The following GABRB1 variants were observed in gnomAD, a reference collection of about 807,000 sequenced individuals.
The protein encoded by GABRB1 is gamma-aminobutyric acid type A receptor subunit beta1, also known as gamma-aminobutyric acid receptor subunit beta-1.
GABRB1 carries 17 observed loss-of-function variants against 51.6 expected under a neutral mutation model. That is an observed-to-expected ratio of 0.33 (90% CI 0.23 to 0.49). The LOEUF (loss-of-function observed/expected upper bound fraction) is 0.49. Among genes scored for constraint, GABRB1 ranks in the 20% least tolerant of loss-of-function variants. The pLI is 0.99. For synonymous variants in GABRB1, 247 were observed against 218.9 expected, an observed-to-expected ratio of 1.13 and a Z score of -1.14; for missense variants, 410 against 600.6, an observed-to-expected ratio of 0.68 and a Z score of 3.32.
chr4:47,058,309 G>C (rs1726704819), intron 3 of GABRB1, among the ~76,000 whole-genome samples: 1 of 152,132 alleles, frequency 6.6e-6, no homozygotes, highest in Non-Finnish European at 1.5e-5. Context: ...AATAGATTGG[G>C]AAAAAGTCTA....
At chr4:47,345,997 A>G (rs7666958) in intron 5 of GABRB1, among the ~76,000 whole-genome samples, 55,528 of 151,360 alleles carry the variant, frequency 0.37, 10,382 homozygotes, top group South Asian at 0.47. Context: ...CTCACTGTGT[A>G]TTTTTTGCTT....
At position 47,393,279 on chromosome 4, in the gene GABRB1, G is replaced by A. The variant is rs1406254289; in HGVS notation, c.545-10039G>A. On this transcript the variant is annotated intron_variant, in intron 5 of 8. Coordinates refer to ENST00000295454, the MANE Select transcript of GABRB1 (RefSeq NM_000812.4). ...AATCTACTACTTCAGTGTTTTGACTGCAAGCAAAAATGATGAGAATCAGTC... is the reference window on the plus strand; with the variant it reads ...AATCTACTACTTCAGTGTTTTGACTACAAGCAAAAATGATGAGAATCAGTC... Among the ~76,000 whole-genome samples the A allele has an allele frequency of 1.3e-5, 2 of 152,196 alleles. 1 individual carries two copies. The highest frequency in any genetic ancestry group is 4.1e-4 in the South Asian group (2 of 4,834).
At chr4:47,296,138 C>T (rs898998812) in intron 4 of GABRB1, among the ~76,000 whole-genome samples, 1 of 152,136 alleles carries the variant, frequency 6.6e-6, no homozygotes, top group African/African-American at 2.4e-5. Context: ...AAACCAGTAC[C>T]GGCCACTGCA....
intron 5 of GABRB1, among the ~76,000 whole-genome samples, chr4:47,347,165 C>G (rs1726130570): frequency 6.6e-6 from 1 of 151,902 alleles, no homozygotes; most frequent in African/African-American, 2.4e-5. Flanking sequence ...GACTGTAATC[C>G]CAGCTACTTG....
upstream of GABRB1, among the ~76,000 whole-genome samples, chr4:47,031,110 G>T (rs913086467): frequency 5.3e-5 from 8 of 151,858 alleles, no homozygotes; most frequent in Non-Finnish European, 1.2e-4. Flanking sequence ...TAACTCTCCC[G>T]TTCCCTCTCT....
intron 5 of GABRB1, among the ~76,000 whole-genome samples, chr4:47,397,197 C>A (rs1308021940): frequency 6.6e-6 from 1 of 152,130 alleles, no homozygotes; most frequent in East Asian, 1.9e-4. Flanking sequence ...GTTAGAAAGG[C>A]CTCATCCATG....
intron 3 of GABRB1, among the ~76,000 whole-genome samples, chr4:47,073,716 C>T (rs973336309): frequency 6.6e-6 from 1 of 152,186 alleles, no homozygotes; most frequent in African/African-American, 2.4e-5. Context: ...AAGTTTGCTG[C>T]TCAGAGGAAG....
intron 3 of GABRB1, among the ~76,000 whole-genome samples, chr4:47,116,843 G>A (rs1359510758): frequency 6.6e-6 from 1 of 152,088 alleles, no homozygotes; most frequent in Non-Finnish European, 1.5e-5. Flanking sequence ...GGAGGCTTCA[G>A]GGAAACTTAC....
intron 4 of GABRB1, among the ~76,000 whole-genome samples, chr4:47,174,215 C>T (rs1358082508): frequency 6.6e-6 from 1 of 152,006 alleles, no homozygotes; most frequent in Non-Finnish European, 1.5e-5. Context: ...CAGGCACACG[C>T]CCAGCTAATT....
chr4:47,254,361 G>GTTTTTTTT lies in GABRB1; in HGVS notation c.462-65742_462-65735dup, dbSNP rs56838956. On this transcript the variant is annotated intron_variant, in intron 4 of 8. Coordinates refer to ENST00000295454, the MANE Select transcript of GABRB1 (RefSeq NM_000812.4). ...ATGGTGGATGATGTTTCTTTTCTTT[G>GTTTTTTTT]TTTTTTTTTTTTTTTTTTTTTTTTT... is the stretch of plus-strand genomic sequence containing the variant. Among the ~76,000 whole-genome samples, 68 of 80,956 alleles carry GTTTTTTTT rather than the reference G, an allele frequency of 8.4e-4. 5 individuals carry two copies. The highest frequency in any genetic ancestry group is 3.2e-3 in the African/African-American group (62 of 19,280). The allele number at this position is 80,956 out of a possible 152,430, so 53.1% of individuals were successfully genotyped here. A position where few individuals can be genotyped will look rare whatever the true frequency, so the allele number is the denominator to read the frequency against.
intron 1 of GABRB1, among the ~76,000 whole-genome samples, chr4:46,995,456 T>C (rs997685118): frequency 2.0e-5 from 3 of 152,192 alleles, no homozygotes; most frequent in African/African-American, 7.2e-5. Context: ...CCTTTTGGGC[T>C]CAAGCAATCC....
intron 3 of GABRB1, among the ~76,000 whole-genome samples, chr4:47,112,549 C>T (rs1038724231): frequency 6.6e-6 from 1 of 152,162 alleles, no homozygotes; most frequent in African/African-American, 2.4e-5. Context: ...TTTGAAGCCT[C>T]AGTTTCTCTA....
intron 1 of GABRB1, among the ~76,000 whole-genome samples, chr4:47,008,852 CCT>C (rs1491543034): frequency 0.016 from 894 of 56,414 alleles, 392 homozygotes; most frequent in Admixed American, 0.023. Flanking sequence ...TCAGATACTA[CCT>C]TTTTTTTTTT....
chr4:47,306,281 G>T (rs1268905092), intron 4 of GABRB1, among the ~76,000 whole-genome samples: 2 of 150,796 alleles, frequency 1.3e-5, no homozygotes, highest in Non-Finnish European at 3.0e-5. Flanking sequence ...AGAAGGGAAG[G>T]GGAGGAAAAA....
chr4:47,407,920 C>T (rs986791526), intron 8 of GABRB1, among the ~76,000 whole-genome samples: 1 of 152,064 alleles, frequency 6.6e-6, no homozygotes, highest in East Asian at 1.9e-4. Context: ...GGCAAAACCT[C>T]ATCTCTACAA....
intron 5 of GABRB1, among the ~76,000 whole-genome samples, chr4:47,377,654 A>T (rs1027816074): frequency 6.6e-6 from 1 of 151,968 alleles, no homozygotes; most frequent in African/African-American, 2.4e-5. Context: ...CATCCTGCTG[A>T]TTGGTAGAGC....
intron 4 of GABRB1, among the ~76,000 whole-genome samples, chr4:47,246,368 AT>A (rs1721757211): frequency 4.3e-5 from 2 of 46,868 alleles, no homozygotes; most frequent in African/African-American, 2.3e-4. Flanking sequence ...ATATATATAT[AT>A]ATATATATAT....
chr4:47,125,419 T>G (rs1180652667), intron 3 of GABRB1, among the ~76,000 whole-genome samples: 2 of 151,952 alleles, frequency 1.3e-5, no homozygotes, highest in Middle Eastern at 6.4e-3. Context: ...CAGGTAAACA[T>G]ATAGTCAAAT....
intron 4 of GABRB1, among the ~76,000 whole-genome samples, chr4:47,172,957 A>G (rs1718507564): frequency 6.6e-6 from 1 of 152,078 alleles, no homozygotes; most frequent in African/African-American, 2.4e-5. Flanking sequence ...AAAGACAGGG[A>G]TAGAGCTATT....
Sources: gnomAD v4.1 joint callset for allele counts (sites outside exome capture counted in the v4.1 genomes callset) on GRCh38, gnomAD v4.1.1 for gene constraint, MANE v1.5 for transcripts, NCBI Gene and HGNC (gene_info 2026-07-23, HGNC 2026-07-21) for gene names.